The following SDK1 variants were observed in gnomAD, a reference collection of about 807,000 sequenced individuals.
The protein encoded by SDK1 is protein sidekick-1.
SDK1 carries 157 observed loss-of-function variants against 245.5 expected under a neutral mutation model. That is an observed-to-expected ratio of 0.64 (90% CI 0.56 to 0.73). The LOEUF (loss-of-function observed/expected upper bound fraction) is 0.73. Among genes scored for constraint, SDK1 ranks in the 30% least tolerant of loss-of-function variants. The pLI is 0.00. For synonymous variants in SDK1, 1,647 were observed against 1,278.5 expected, an observed-to-expected ratio of 1.29 and a Z score of -6.15; for missense variants, 3,583 against 3,002.3, an observed-to-expected ratio of 1.19 and a Z score of -4.52.
chr7:4,093,417 T>G (rs1007574513), intron 22 of SDK1, among the ~76,000 whole-genome samples: 6 of 146,068 alleles, frequency 4.1e-5, no homozygotes, highest in African/African-American at 1.3e-4. Context: ...TGGTAACACT[T>G]TAGGTACAGC....
intron 1 of SDK1, among the ~76,000 whole-genome samples, chr7:3,474,439 G>A (rs563071136): frequency 6.6e-6 from 1 of 151,848 alleles, no homozygotes; most frequent in Non-Finnish European, 1.5e-5. Context: ...CTCCTGTCCA[G>A]TACCAACCCC....
Position 3,833,210 on chromosome 7 carries a change from C to G in SDK1, c.847+11627C>G, listed in dbSNP as rs986841024. ...TTTCCATTTTAGTTCCTAAGTCGAA[C>G]TTAAAGAGTAGGAGTCAGAGCTGAC... On this transcript the variant is annotated intron_variant, in intron 5 of 44. Coordinates refer to ENST00000404826, the MANE Select transcript of SDK1 (RefSeq NM_152744.4). 9.9e-5 allele frequency among the ~76,000 whole-genome samples: 15 copies of G among 152,248 alleles called. No homozygotes were observed. In the Middle Eastern group the frequency reaches 0.01, roughly 104 times the overall value.
At chr7:3,588,856 G>T (rs1175908636) in intron 1 of SDK1, among the ~76,000 whole-genome samples, 1 of 152,110 alleles carries the variant, frequency 6.6e-6, no homozygotes, top group Non-Finnish European at 1.5e-5. Context: ...CAAAGCATTG[G>T]ATTTACTCTG....
intron 1 of SDK1, among the ~76,000 whole-genome samples, chr7:3,479,733 G>T (rs541882572): frequency 6.6e-6 from 1 of 151,922 alleles, no homozygotes; most frequent in South Asian, 2.1e-4. Flanking sequence ...ATGGTGGCGT[G>T]TGCATGTAGT....
intron 4 of SDK1, among the ~76,000 whole-genome samples, chr7:3,717,107 G>T (rs950902722): frequency 6.6e-6 from 1 of 152,158 alleles, no homozygotes; most frequent in Non-Finnish European, 1.5e-5. Context: ...TCCTTTGAAG[G>T]AGTGGAATGA....
At chr7:3,907,952 G>A (rs6970302) in intron 5 of SDK1, among the ~76,000 whole-genome samples, 10 of 152,186 alleles carry the variant, frequency 6.6e-5, no homozygotes, top group African/African-American at 2.4e-4. Context: ...ATTGTTTCAA[G>A]AGGGTTTTTT....
chr7:4,193,707 G>A (rs1783372688), intron 35 of SDK1, among the ~76,000 whole-genome samples: 1 of 152,112 alleles, frequency 6.6e-6, no homozygotes, highest in South Asian at 2.1e-4. Context: ...CACAATTTCA[G>A]CTCTTCCTCT....
At chr7:4,188,904 A>G (rs1562408017) in intron 35 of SDK1, among the ~76,000 whole-genome samples, 1 of 152,210 alleles carries the variant, frequency 6.6e-6, no homozygotes, top group Non-Finnish European at 1.5e-5. Context: ...TTCCACAGAC[A>G]TCTTTACTGT....
chr7:3,650,384 C>G (rs987154509), intron 4 of SDK1, among the ~76,000 whole-genome samples: 1 of 152,194 alleles, frequency 6.6e-6, no homozygotes, highest in Non-Finnish European at 1.5e-5. Context: ...TCCCTGGAAA[C>G]CACTGTTCTG....
chr7:3,409,104 T>A (rs1408156447), intron 1 of SDK1, among the ~76,000 whole-genome samples: 1 of 152,066 alleles, frequency 6.6e-6, no homozygotes, highest in African/African-American at 2.4e-5. Context: ...TGAGTTGGCT[T>A]TCTTTTGTGT....
At chr7:3,723,777 TATATACACGTACTTATAC>T (rs1209770440) in intron 4 of SDK1, among the ~76,000 whole-genome samples, 134 of 149,666 alleles carry the variant, frequency 9.0e-4, no homozygotes, top group African/African-American at 3.1e-3. Flanking sequence ...TATACACGTG[TATATACACGTACTTATAC>T]ATATACACGT....
rs769199759 is a variant in SDK1, at chr7:4,043,761, T to G, written c.2603-5587T>G. Among the ~76,000 whole-genome samples the G allele has an allele frequency of 2.8e-4, 43 of 152,290 alleles. 1 individual carries two copies. The highest frequency in any genetic ancestry group is 3.4e-3 in the Middle Eastern group (1 of 294). On this transcript the variant is annotated intron_variant, in intron 17 of 44. Coordinates refer to ENST00000404826, the MANE Select transcript of SDK1 (RefSeq NM_152744.4). The stretch of plus-strand genomic sequence containing the variant: ...GCATATGATCCTCATAGCCTTACTT[T>G]AGAGAATTTAACAACATTTGATATT...
chr7:4,140,047 G>C (rs1016560549), intron 28 of SDK1, among the ~76,000 whole-genome samples: 1 of 152,126 alleles, frequency 6.6e-6, no homozygotes, highest in Non-Finnish European at 1.5e-5. Flanking sequence ...CACTCTGGAA[G>C]TGTGACCTCC....
At chr7:3,457,645 A>G (rs1038865100) in intron 1 of SDK1, among the ~76,000 whole-genome samples, 1 of 152,156 alleles carries the variant, frequency 6.6e-6, no homozygotes, top group Non-Finnish European at 1.5e-5. Flanking sequence ...AATATGGCCA[A>G]ACTTGTTGAC....
chr7:4,075,266 C>G (rs533814077), intron 20 of SDK1, among the ~76,000 whole-genome samples: 1 of 152,156 alleles, frequency 6.6e-6, no homozygotes, highest in African/African-American at 2.4e-5. Context: ...CCCCTCAGCC[C>G]GCACACAGAA....
intron 35 of SDK1, among the ~76,000 whole-genome samples, chr7:4,189,715 A>C (rs904498521): frequency 6.6e-6 from 1 of 152,188 alleles, no homozygotes; most frequent in African/African-American, 2.4e-5. Flanking sequence ...GCTTGAACCC[A>C]GGAAGCAGAG....
chr7:4,155,401 C>G (rs1017375658), intron 30 of SDK1, among the ~76,000 whole-genome samples: 1 of 152,214 alleles, frequency 6.6e-6, no homozygotes, highest in Non-Finnish European at 1.5e-5. Context: ...GTCCAGCCAC[C>G]TGACACGCAC....
intron 4 of SDK1, among the ~76,000 whole-genome samples, chr7:3,739,878 A>G (rs77479719): frequency 0.07 from 10,631 of 152,244 alleles, 429 homozygotes; most frequent in Middle Eastern, 0.12. Flanking sequence ...TAATATGGCA[A>G]TTTTGGAAAT....
chr7:4,254,368 A>G (rs559738723), intron 44 of SDK1, among the ~76,000 whole-genome samples: 1 of 152,226 alleles, frequency 6.6e-6, no homozygotes, highest in South Asian at 2.1e-4. Flanking sequence ...AAGTGAACTG[A>G]TTCTTTCTTC....
Sources: gnomAD v4.1 joint callset for allele counts (sites outside exome capture counted in the v4.1 genomes callset) on GRCh38, gnomAD v4.1.1 for gene constraint, MANE v1.5 for transcripts, NCBI Gene and HGNC (gene_info 2026-07-23, HGNC 2026-07-21) for gene names.